ENTPD4: variants seen among roughly 807,000 people sequenced by gnomAD.
ENTPD4 encodes the protein ectonucleoside triphosphate diphosphohydrolase 4.
In ENTPD4, 60 loss-of-function variants were observed where a neutral mutation model predicts 79.1. That is an observed-to-expected ratio of 0.76 (90% confidence interval 0.62 to 0.94). ENTPD4 has a LOEUF of 0.94. ENTPD4 is among the 40% of genes least tolerant of loss of function. The pLI is 0.00. For missense variants in ENTPD4, 772 were observed against 775.1 expected, an observed-to-expected ratio of 1.00 and a Z score of 0.05; for synonymous variants, 276 against 292.0, an observed-to-expected ratio of 0.95 and a Z score of 0.56.
intron 2 of ENTPD4, 79 bp from the exon 3 acceptor site, chr8:23,449,018 A>G: frequency 3.2e-6 from 4 of 1,237,038 alleles, no homozygotes; most frequent in South Asian, 1.3e-5. Flanking sequence ...CTAAAATAAG[A>G]TATTTGGCTT....
intron 1 of ENTPD4, among the ~76,000 whole-genome samples, chr8:23,455,350 A>G (rs185967215): frequency 2.0e-5 from 3 of 152,330 alleles, no homozygotes; most frequent in Admixed American, 2.0e-4. Context: ...TTGAATATCA[A>G]AGGATTCAAG....
intron 4 of ENTPD4, 29 bp from the exon 5 acceptor site, chr8:23,444,635 A>G (rs1340986268): frequency 1.7e-5 from 28 of 1,606,910 alleles, no homozygotes; most frequent in Non-Finnish European, 2.3e-5. Context: ...TTAGTTAAGA[A>G]GCAGATATTT....
intron 8 of ENTPD4, among the ~76,000 whole-genome samples, chr8:23,441,121 G>T (rs576268625): frequency 6.6e-6 from 1 of 152,290 alleles, no homozygotes; most frequent in East Asian, 1.9e-4. Context: ...AGAACAGTTC[G>T]AGTAAACCAC....
At chr8:23,437,752 G>T (rs1054168933) in intron 9 of ENTPD4, among the ~76,000 whole-genome samples, 10 of 152,226 alleles carry the variant, frequency 6.6e-5, no homozygotes, top group African/African-American at 2.4e-4. Flanking sequence ...CAAACATCTA[G>T]AAGGATTTGG....
At chr8:23,434,767 C>T (rs191836431) in intron 11 of ENTPD4, 15 of 1,181,260 alleles carry the variant, frequency 1.3e-5, no homozygotes, top group Non-Finnish European at 1.1e-6. Flanking sequence ...TGGCATTTCA[C>T]CATGTACTCC....
chr8:23,441,335 TACCAAAGAAAAACTC>T, intron 8 of ENTPD4: 1 of 809,978 alleles, frequency 1.2e-6, no homozygotes, highest in Non-Finnish European at 1.5e-6. Context: ...ACTGCGTATA[TACCAAAGAAAAACTC>T]TACGTTCAGA....
In ENTPD4 at chr8:23,430,870, G is replaced by A. The variant is rs113850166; in HGVS notation, c.*2056C>T. 2.0e-4 allele frequency: 201 copies of A among 985,376 alleles called. 1 individual carries two copies. The highest frequency in any genetic ancestry group is 2.4e-4 in the Non-Finnish European group (196 of 830,044). 61.0% of individuals were successfully genotyped at this position (985,376 alleles called of 1,614,324 possible). A position where few individuals can be genotyped will look rare whatever the true frequency, so the allele number is the denominator to read the frequency against. ...ATAATCCATGGCTCCTCCAGGAAGTGTCGCAGGCAGGTGGCCAAGACCAAC... is the reference window on the plus strand; with the variant it reads ...ATAATCCATGGCTCCTCCAGGAAGTATCGCAGGCAGGTGGCCAAGACCAAC... On this transcript the variant is annotated 3_prime_UTR_variant, in exon 13 of 13. Transcript: ENST00000358689.
At position 23,430,051 on chromosome 8, in the gene ENTPD4, T is replaced by C. The variant is rs2117267581; in HGVS notation, c.*2875A>G. On this transcript the variant is annotated 3_prime_UTR_variant, in exon 13 of 13. Coordinates refer to ENST00000358689, the MANE Select transcript of ENTPD4 (RefSeq NM_004901.5). ...GGCAAGTTCCTAGTCCAATTTCTTC[T>C]GCTACAAGTACACAGAATTTACTGC... 1 of 985,484 alleles carries C rather than the reference T, an allele frequency of 1.0e-6. No homozygotes were observed. The highest frequency in any genetic ancestry group is 1.7e-5 in the African/African-American group (1 of 57,378). 61.0% of individuals were successfully genotyped at this position (985,484 alleles called of 1,614,324 possible).
Position 23,431,409 on chromosome 8 carries a change from C to T in ENTPD4, c.*1517G>A. 1 of 985,430 alleles carries T rather than the reference C, an allele frequency of 1.0e-6. No homozygotes were observed. The highest frequency in any genetic ancestry group is 1.1e-4 in the East Asian group (1 of 8,824). 61.0% of individuals were successfully genotyped at this position (985,430 alleles called of 1,614,324 possible). ...ACAAAACAAACTCCACCTAAAAAAA[C>T]TGTACGAGAATTCCCCAAACTTCTC... On this transcript the variant is annotated 3_prime_UTR_variant, in exon 13 of 13. Coordinates refer to ENST00000358689, the MANE Select transcript of ENTPD4 (RefSeq NM_004901.5).
At position 23,432,749 on chromosome 8, in the gene ENTPD4, C is replaced by A. The variant is rs1024279348; in HGVS notation, c.*177G>T. 5.8e-5 allele frequency: 78 copies of A among 1,351,370 alleles called. No individual in the cohort carries two copies. Among genetic ancestry groups the A allele is most frequent in the Middle Eastern group, 5.3e-4 (2 of 3,762 alleles). The allele number at this position is 1,351,370 out of a possible 1,614,324, so 83.7% of individuals were successfully genotyped here. A position where few individuals can be genotyped will look rare whatever the true frequency, so the allele number is the denominator to read the frequency against. On this transcript the variant is annotated 3_prime_UTR_variant, in exon 13 of 13. Transcript: ENST00000358689. The stretch of plus-strand genomic sequence containing the variant: ...TCCTGACCTCATGATCCGCCCGCCT[C>A]GGCCTCCCAAAGTGCTGGGATTACA...
chr8:23,450,511 C>A (rs1800840292), intron 1 of ENTPD4, among the ~76,000 whole-genome samples: 1 of 152,224 alleles, frequency 6.6e-6, no homozygotes, highest in South Asian at 2.1e-4. Context: ...TTAGCCAGGG[C>A]CTCCTTCCAA....
At chr8:23,444,381 G>A in intron 5 of ENTPD4, 75 bp downstream of exon 5, 1 of 1,269,136 alleles carries the variant, frequency 7.9e-7, no homozygotes, top group South Asian at 1.3e-5. Context: ...AGAGGAGAAG[G>A]AGGAAGGGGG....
Position 23,434,403 on chromosome 8 carries a change from G to C in ENTPD4, c.1536C>G (p.Ser512Arg). The change falls in exon 12 of 13, where the codon AGC (serine) becomes AGG (arginine). Residue 512 changes from serine to arginine, a missense_variant. Physicochemically the swap from Ser to Arg is moderately radical, Grantham distance 110. Coordinates refer to ENST00000358689, the MANE Select transcript of ENTPD4 (RefSeq NM_004901.5). ...CGTAAACTTGCAAGGCAGTCTTTAA[G>C]CTTTTATAGTTGACAGGAAACGAAA... ...RGFSFPVNYK[S>R]LKTALQVYDK... 6.2e-7 allele frequency: 1 copy of C among 1,614,166 alleles called. No homozygotes were observed.
rs201700405 is a variant in ENTPD4, at chr8:23,448,833, C to G, written c.115G>C (p.Val39Leu). The G allele has an allele frequency of 6.2e-7, 1 of 1,614,108 alleles. No individual in the cohort carries two copies. Among genetic ancestry groups the G allele is most frequent in the African/African-American group, 1.3e-5 (1 of 75,046 alleles). The change falls in exon 3 of 13, where the codon GTC (valine) becomes CTC (leucine). Residue 39 changes from valine to leucine, a missense_variant. By Grantham distance (32) the Val-to-Leu change is conservative. Coordinates refer to ENST00000358689, the MANE Select transcript of ENTPD4 (RefSeq NM_004901.5). ...TNLRQIMVIS[V>L]LAAAVSLLYF... ...AAAAGTGAAACAGCAGCAGCCAGGA[C>G]ACTAATGACCATAATTTGGCGTAAA...
chr8:23,439,211 T>C (rs1455149955), intron 9 of ENTPD4, among the ~76,000 whole-genome samples: 3 of 152,380 alleles, frequency 2.0e-5, no homozygotes, highest in East Asian at 1.9e-4. Context: ...TAAAGCTTCA[T>C]TGCTAAATTC....
intron 6 of ENTPD4, 34 bp downstream of exon 6, chr8:23,443,816 T>C (rs1456365668): frequency 6.0e-6 from 8 of 1,330,692 alleles, no homozygotes; most frequent in Non-Finnish European, 8.7e-6. Context: ...AGGAACAGCT[T>C]CCCAAATTTT....
chr8:23,448,614 A>G (rs985868616), intron 3 of ENTPD4, 128 bp downstream of exon 3: 1 of 736,034 alleles, frequency 1.4e-6, no homozygotes, highest in Non-Finnish European at 2.2e-6. Flanking sequence ...CAACCTCTAG[A>G]ACAGTTAGAA....
chr8:23,431,476 C>G lies in ENTPD4; in HGVS notation c.*1450G>C. 2 of 985,422 alleles carry G rather than the reference C, an allele frequency of 2.0e-6. No individual in the cohort carries two copies. The highest frequency in any genetic ancestry group is 2.4e-6 in the Non-Finnish European group (2 of 829,926). 61.0% of individuals were successfully genotyped at this position (985,422 alleles called of 1,614,324 possible). ...GAAAAAACACCAATCTCACATATGC[C>G]AATCCAATTGTCCTTTTTAGATTTT... On this transcript the variant is annotated 3_prime_UTR_variant, in exon 13 of 13. Coordinates refer to ENST00000358689, the MANE Select transcript of ENTPD4 (RefSeq NM_004901.5).
In ENTPD4 at chr8:23,437,117, C is replaced by G; in HGVS notation, c.1191G>C (p.Glu397Asp). The part of the protein sequence containing the change: ...RGTGDFDLCR[E>D]TIQPFMNKTN... Reference sequence around the variant, plus strand: ...TTTTATTCATGAAAGGCTGGATAGTCTCTCGACACAGGTCAAAGTCTCCAG... The same window carrying G: ...TTTTATTCATGAAAGGCTGGATAGTGTCTCGACACAGGTCAAAGTCTCCAG... The change falls in exon 10 of 13, where the codon GAG (glutamate) becomes GAC (aspartate). Residue 397 changes from glutamate to aspartate, a missense_variant. Transcript: ENST00000358689. 1.2e-6 allele frequency: 2 copies of G among 1,614,210 alleles called. No individual in the cohort carries two copies. Among genetic ancestry groups the G allele is most frequent in the Non-Finnish European group, 1.7e-6 (2 of 1,180,040 alleles).
Sources: allele counts gnomAD v4.1 joint callset (sites outside exome capture counted in the v4.1 genomes callset), GRCh38; gene constraint gnomAD v4.1.1; transcripts MANE v1.5; gene names NCBI Gene and HGNC (gene_info 2026-07-23, HGNC 2026-07-21).